NENF: variants seen among roughly 807,000 people sequenced by gnomAD.
NENF encodes neudesin neurotrophic factor, also known as neudesin.
A neutral mutation model predicts 14.8 loss-of-function variants in NENF; 6 were observed. The ratio of observed to expected loss-of-function variants is 0.40; its 90% CI spans 0.22 to 0.80. The LOEUF (loss-of-function observed/expected upper bound fraction) is 0.80. Ranked by LOEUF, NENF falls within the 30% of genes least tolerant of loss-of-function variation. NENF has a pLI of 0.34. For synonymous variants in NENF, 76 were observed against 95.1 expected, an observed-to-expected ratio of 0.80 and a Z score of 1.17; for missense variants, 184 against 212.7, an observed-to-expected ratio of 0.87 and a Z score of 0.84.
In NENF at chr1:212,432,975, G is replaced by A. The variant is rs955006347; in HGVS notation, c.32G>A (p.Arg11Gln). The change falls in exon 1 of 4, where the codon CGG becomes CAG. Residue 11 changes from arginine (R) to glutamine (Q), a missense_variant. By Grantham distance (43) the Arg-to-Gln change is conservative. Coordinates refer to ENST00000366988, the MANE Select transcript of NENF (RefSeq NM_013349.5). MVGPAPRRRL[R>Q]PLAALALVLA... ...GGCCCCGCGCCGCGGCGGCGGCTGC[G>A]GCCGCTGGCAGCGCTGGCCCTGGTC... is the stretch of plus-strand genomic sequence containing the variant. 6 of 1,072,242 alleles carry A rather than the reference G, an allele frequency of 5.6e-6. No individual in the cohort carries two copies. The highest frequency in any genetic ancestry group is 5.0e-5 in the Admixed American group (1 of 20,196). 66.4% of individuals were successfully genotyped at this position (1,072,242 alleles called of 1,614,324 possible). A position where few individuals can be genotyped will look rare whatever the true frequency, so the allele number is the denominator to read the frequency against.
At chr1:212,438,482 T>A (rs1012732156) in intron 1 of NENF, among the ~76,000 whole-genome samples, 2 of 152,224 alleles carry the variant, frequency 1.3e-5, no homozygotes, top group Admixed American at 1.3e-4. Flanking sequence ...TTTCTTCACC[T>A]ACAAAATGGG....
intron 1 of NENF, among the ~76,000 whole-genome samples, chr1:212,440,959 G>A (rs1261187818): frequency 6.6e-5 from 10 of 152,204 alleles, no homozygotes; most frequent in African/African-American, 2.4e-4. Context: ...CTGCACCTCT[G>A]ATGGCACTGA....
Position 212,445,860 on chromosome 1 carries a change from C to T in NENF, c.373C>T (p.Leu125=). The T allele has an allele frequency of 6.2e-7, 1 of 1,614,220 alleles. No homozygotes were observed. The highest frequency in any genetic ancestry group is 8.5e-7 in the Non-Finnish European group (1 of 1,180,040). Residue 125 remains leucine, a synonymous_variant, in exon 4 of 4, where the codon CTG becomes TTG. Transcript: ENST00000366988. ...TCTCACGGCCAAGGAACTGGAGGCC[C>T]TGGATGAGGTCTTCACCAAAGTGTA... is the stretch of plus-strand genomic sequence containing the variant. ...TGLTAKELEA[L]DEVFTKVYKA...
At chr1:212,440,925 C>G (rs1171505729) in intron 1 of NENF, among the ~76,000 whole-genome samples, 1 of 152,244 alleles carries the variant, frequency 6.6e-6, no homozygotes, top group Non-Finnish European at 1.5e-5. Context: ...CTCGCCTGGG[C>G]TGTGAGCCAC....
chr1:212,436,476 C>T (rs1172633948), intron 1 of NENF, among the ~76,000 whole-genome samples: 2 of 151,930 alleles, frequency 1.3e-5, no homozygotes, highest in East Asian at 1.9e-4. Context: ...TGCCCAGCTA[C>T]TTTTGGTATT....
Position 212,446,217 on chromosome 1 carries a change from G to C in NENF, c.*211G>C, listed in dbSNP as rs1662777132. Reference sequence around the variant, plus strand: ...CTGTCTGCACACCAGGGATCAATAAGAGCCAAAGTGGGACACCTCCTAGAT... The same window carrying C: ...CTGTCTGCACACCAGGGATCAATAACAGCCAAAGTGGGACACCTCCTAGAT... On this transcript the variant is annotated 3_prime_UTR_variant, in exon 4 of 4. Coordinates refer to ENST00000366988, the MANE Select transcript of NENF (RefSeq NM_013349.5). 2 of 552,394 alleles carry C rather than the reference G, an allele frequency of 3.6e-6. No homozygotes were observed. The highest frequency in any genetic ancestry group is 6.4e-6 in the Non-Finnish European group (2 of 311,060). 34.2% of individuals were successfully genotyped at this position (552,394 alleles called of 1,614,324 possible). A position where few individuals can be genotyped will look rare whatever the true frequency, so the allele number is the denominator to read the frequency against.
intron 1 of NENF, among the ~76,000 whole-genome samples, chr1:212,439,949 T>G (rs903208267): frequency 2.6e-4 from 39 of 152,104 alleles, no homozygotes; most frequent in Non-Finnish European, 1.0e-4. Context: ...TATGGCTGTT[T>G]GCCCATAGAA....
chr1:212,435,006 AGT>A (rs1662581475), intron 1 of NENF: 1 of 152,422 alleles, frequency 6.6e-6, no homozygotes, highest in African/African-American at 2.4e-5. Flanking sequence ...AGTTGAGTGC[AGT>A]GGGTTCAAGC....
At chr1:212,436,532 A>G (rs917254001) in intron 1 of NENF, among the ~76,000 whole-genome samples, 3 of 151,526 alleles carry the variant, frequency 2.0e-5, no homozygotes, top group Non-Finnish European at 4.4e-5. Context: ...CTAGTCTTGG[A>G]CTCCTGACCT....
chr1:212,444,233 C>CT (rs112019441), intron 2 of NENF, 106 bp from the exon 3 acceptor site: 14 of 591,772 alleles, frequency 2.4e-5, no homozygotes, highest in Middle Eastern at 4.8e-4. Context: ...AGCGTGGAGT[C>CT]TTTTTTAGGA....
Position 212,446,207 on chromosome 1 carries a change from G to C in NENF, c.*201G>C. ...CTGGGGACCCCTGTCTGCACACCAGGGATCAATAAGAGCCAAAGTGGGACA... is the reference window on the plus strand; with the variant it reads ...CTGGGGACCCCTGTCTGCACACCAGCGATCAATAAGAGCCAAAGTGGGACA... On this transcript the variant is annotated 3_prime_UTR_variant, in exon 4 of 4. Transcript: ENST00000366988. The C allele has an allele frequency of 1.8e-6, 1 of 565,624 alleles. No homozygotes were observed. The highest frequency in any genetic ancestry group is 3.1e-6 in the Non-Finnish European group (1 of 319,640). The allele number at this position is 565,624 out of a possible 1,614,324, so 35.0% of individuals were successfully genotyped here.
In NENF at chr1:212,433,014, C is replaced by G; in HGVS notation, c.71C>G (p.Pro24Arg). The G allele has an allele frequency of 6.8e-6, 8 of 1,169,920 alleles. No individual in the cohort carries two copies. Among genetic ancestry groups the G allele is most frequent in the Admixed American group, 4.6e-5 (1 of 21,588 alleles). 72.5% of individuals were successfully genotyped at this position (1,169,920 alleles called of 1,614,324 possible). A position where few individuals can be genotyped will look rare whatever the true frequency, so the allele number is the denominator to read the frequency against. Reference protein sequence around the residue: ...AALALVLALAPGLPTARAGQT... With the variant: ...AALALVLALARGLPTARAGQT... ...CTGGCCCTGGTCCTGGCGCTGGCCC[C>G]GGGGCTGCCCACAGCCCGGGCCGGG... Residue 24 changes from proline (P) to arginine (R), a missense_variant, in exon 1 of 4, where the codon CCG becomes CGG. Physicochemically the swap from Pro to Arg is moderately radical, Grantham distance 103. Transcript: ENST00000366988. The surrounding 1 kb of genome is among the most constrained non-coding windows in gnomAD (Gnocchi z 5.5).
rs1204577068 is a variant in NENF, at chr1:212,442,554, C to G, written c.178-11C>G. ...TCCCTTCCTCTTCACAGCTTCTCCC[C>G]TGCTTTCTAGGAAGATCAGCCCATC... On this transcript the variant is annotated splice_polypyrimidine_tract_variant and intron_variant, in intron 1 of 3. Transcript: ENST00000366988. 1 of 1,611,046 alleles carries G rather than the reference C, an allele frequency of 6.2e-7. No homozygotes were observed. The highest frequency in any genetic ancestry group is 8.5e-7 in the Non-Finnish European group (1 of 1,177,364).
intron 1 of NENF, among the ~76,000 whole-genome samples, chr1:212,437,284 T>C (rs1306416288): frequency 6.6e-6 from 1 of 152,208 alleles, no homozygotes; most frequent in Non-Finnish European, 1.5e-5. Context: ...TCCCATTTAC[T>C]GTGAATGTTC....
In NENF at chr1:212,440,695, A is replaced by C. The variant is rs903840875; in HGVS notation, c.178-1870A>C. Among the ~76,000 whole-genome samples the C allele has an allele frequency of 2.9e-4, 44 of 152,184 alleles. 1 individual carries two copies. The highest frequency in any genetic ancestry group is 8.8e-5 in the Non-Finnish European group (6 of 68,028). On this transcript the variant is annotated intron_variant, in intron 1 of 3. Coordinates refer to ENST00000366988, the MANE Select transcript of NENF (RefSeq NM_013349.5). ...ACCCTCATATGACAGGCAGAGAAGC[A>C]GGCCTGAGTGGTTATGAGGCAGTGA...
intron 1 of NENF, among the ~76,000 whole-genome samples, chr1:212,441,347 G>T (rs552614292): frequency 2.0e-5 from 3 of 152,230 alleles, no homozygotes; most frequent in Non-Finnish European, 4.4e-5. Flanking sequence ...AGGCCTCAAT[G>T]AAATAAGTCA....
At chr1:212,434,328 G>C (rs1367851777) in intron 1 of NENF, among the ~76,000 whole-genome samples, 2 of 152,198 alleles carry the variant, frequency 1.3e-5, no homozygotes, top group African/African-American at 4.8e-5. Flanking sequence ...ACTTGCAAGG[G>C]TGGGACTTGT....
At chr1:212,438,724 A>C (rs1338524317) in intron 1 of NENF, among the ~76,000 whole-genome samples, 1 of 151,528 alleles carries the variant, frequency 6.6e-6, no homozygotes, top group Admixed American at 6.6e-5. Flanking sequence ...GGTTCAAGCA[A>C]TTCTGCCTCA....
At chr1:212,444,815 C>T (rs1387601240) in intron 3 of NENF, among the ~76,000 whole-genome samples, 1 of 152,142 alleles carries the variant, frequency 6.6e-6, no homozygotes, top group Non-Finnish European at 1.5e-5. Context: ...GTACCTGCCA[C>T]CCCATCCCCT....
Sources: gnomAD v4.1 joint callset for allele counts (sites outside exome capture counted in the v4.1 genomes callset) on GRCh38, gnomAD v4.1.1 for gene constraint, Gnocchi (gnomAD v3.1) non-coding constraint, MANE v1.5 for transcripts, NCBI Gene and HGNC (gene_info 2026-07-23, HGNC 2026-07-21) for gene names.